Variants in HSD17B11 observed in about 807,000 individuals in gnomAD.
HSD17B11 encodes the protein estradiol 17-beta-dehydrogenase 11.
In HSD17B11, 22 loss-of-function variants were observed where a neutral mutation model predicts 27.8. The observed-to-expected ratio is 0.79, with a 90% CI of 0.56 to 1.13. The LOEUF is 1.13. Ranked by LOEUF, HSD17B11 falls within the 50% of genes most tolerant of loss-of-function variation. HSD17B11 has a pLI of 0.00. For synonymous variants in HSD17B11, 117 were observed against 132.8 expected (o/e 0.88, Z 0.82); for missense variants, 314 against 351.1 (o/e 0.89, Z 0.84).
rs1720249568 is a variant in HSD17B11 at position 87,384,341 on chromosome 4, T to C, written c.211-1979A>G. On this transcript the variant is annotated intron_variant, in intron 1 of 6. Transcript: ENST00000358290. ...GTACAAATTGATTGTAAAACATGTG[T>C]GTTTGAACAATATGAAATCAGTGCA... 2.6e-5 allele frequency among the ~76,000 whole-genome samples: 4 copies of C among 152,144 alleles called. No individual in the cohort carries two copies. The South Asian group carries it at 8.3e-4, about 32-fold the overall frequency.
intron 2 of HSD17B11, among the ~76,000 whole-genome samples, chr4:87,375,142 G>A (rs148265162): frequency 6.6e-6 from 1 of 152,080 alleles, no homozygotes; most frequent in African/African-American, 2.4e-5. Context: ...CAAGTGATCT[G>A]CCCACCTCAG....
intron 5 of HSD17B11, among the ~76,000 whole-genome samples, chr4:87,346,223 C>G (rs1405920360): frequency 6.6e-6 from 1 of 152,144 alleles, no homozygotes; most frequent in Admixed American, 6.5e-5. Flanking sequence ...ATACAACGTT[C>G]CTTCGTGATA....
At chr4:87,355,079 C>T (rs1308515902) in intron 5 of HSD17B11, among the ~76,000 whole-genome samples, 2 of 152,028 alleles carry the variant, frequency 1.3e-5, no homozygotes, top group African/African-American at 4.8e-5. Context: ...CACACCACTG[C>T]ACTTCAGCCT....
At chr4:87,342,643 T>C (rs1029043577) in intron 5 of HSD17B11, among the ~76,000 whole-genome samples, 5 of 152,074 alleles carry the variant, frequency 3.3e-5, no homozygotes, top group South Asian at 2.1e-4. Context: ...ACTGGGACAA[T>C]TGAGAAGTAT....
chr4:87,347,128 T>TC (rs1357078911), intron 5 of HSD17B11, among the ~76,000 whole-genome samples: 1 of 89,028 alleles, frequency 1.1e-5, no homozygotes, highest in African/African-American at 6.7e-5. Context: ...TTTTTTTTTT[T>TC]TTTTTTTTAT....
intron 1 of HSD17B11, among the ~76,000 whole-genome samples, chr4:87,386,456 G>A (rs1262860545): frequency 6.6e-6 from 1 of 152,082 alleles, no homozygotes; most frequent in African/African-American, 2.4e-5. Flanking sequence ...TCCCATCTCG[G>A]CCTCCCAAAG....
In HSD17B11 at chr4:87,340,512, C is replaced by T. The variant is rs1343940697; in HGVS notation, c.790G>A (p.Ala264Thr). Reference sequence around the variant, plus strand: ...TACCTTTCCAATGTTGTTAAAAAAGCTATAGAAGATGGAATAAAAATCATC... The same window carrying T: ...TACCTTTCCAATGTTGTTAAAAAAGTTATAGAAGATGGAATAAAAATCATC... ...QKMIFIPSSI[A>T]FLTTLERILP... The change falls in exon 6 of 7, where the codon GCT becomes ACT. Residue 264 changes from alanine to threonine, a missense_variant. Transcript: ENST00000358290. 1 of 1,605,448 alleles carries T rather than the reference C, an allele frequency of 6.2e-7. No individual in the cohort carries two copies. The highest frequency in any genetic ancestry group is 1.1e-5 in the South Asian group (1 of 89,630).
intron 5 of HSD17B11, among the ~76,000 whole-genome samples, chr4:87,344,479 C>T (rs1474267806): frequency 6.6e-6 from 1 of 152,042 alleles, no homozygotes; most frequent in Non-Finnish European, 1.5e-5. Context: ...AACAAGAGAT[C>T]CCAAAATATT....
intron 2 of HSD17B11, among the ~76,000 whole-genome samples, chr4:87,378,522 T>A (rs1444577788): frequency 2.6e-5 from 4 of 151,770 alleles, no homozygotes; most frequent in African/African-American, 9.7e-5. Context: ...AATGTACAAT[T>A]AAATTACTAT....
chr4:87,387,372 T>G (rs934171142), intron 1 of HSD17B11, among the ~76,000 whole-genome samples: 2 of 152,342 alleles, frequency 1.3e-5, no homozygotes, highest in Non-Finnish European at 2.9e-5. Flanking sequence ...AGAGATTGTC[T>G]TTGTACTCTA....
intron 5 of HSD17B11, among the ~76,000 whole-genome samples, chr4:87,340,836 A>C (rs958023210): frequency 1.5e-4 from 23 of 152,342 alleles, no homozygotes; most frequent in African/African-American, 5.5e-4. Context: ...AACCTTCTAC[A>C]TAGGTTATTC....
intron 2 of HSD17B11, among the ~76,000 whole-genome samples, chr4:87,378,710 A>T: frequency 7.2e-6 from 1 of 138,104 alleles, no homozygotes; most frequent in Admixed American, 7.8e-5. Flanking sequence ...CCATCCTTCT[A>T]CTCTCTATCT....
chr4:87,390,811 C>T, intron 1 of HSD17B11, 50 bp downstream of exon 1: 1 of 1,530,642 alleles, frequency 6.5e-7, no homozygotes, highest in Non-Finnish European at 9.1e-7. Flanking sequence ...AATGCAGACA[C>T]ATCCACAAAT....
At chr4:87,354,581 C>A (rs1177943515) in intron 5 of HSD17B11, among the ~76,000 whole-genome samples, 1 of 150,762 alleles carries the variant, frequency 6.6e-6, no homozygotes, top group Non-Finnish European at 1.5e-5. Context: ...GAGGTCAAGG[C>A]TGCAGCGAGC....
intron 4 of HSD17B11, among the ~76,000 whole-genome samples, chr4:87,371,012 A>G (rs1471515028): frequency 1.4e-5 from 2 of 138,146 alleles, no homozygotes; most frequent in South Asian, 4.3e-4. Context: ...TCGGCCTCCC[A>G]AAGTGCTGGG....
In HSD17B11 at chr4:87,340,466, T is replaced by C. The variant is rs764086320; in HGVS notation, c.812+24A>G. ...TAATTGTTATTTTACCTTTCATTTC[T>C]AAGGTTTCTTAACTGTCACTTACCT... On this transcript the variant is annotated intron_variant, in intron 6 of 6. Transcript: ENST00000358290. 12 of 1,414,612 alleles carry C rather than the reference T, an allele frequency of 8.5e-6. No homozygotes were observed. The South Asian group carries it at 1.4e-4, about 16-fold the overall frequency. 87.6% of individuals were successfully genotyped at this position (1,414,612 alleles called of 1,614,324 possible).
intron 4 of HSD17B11, among the ~76,000 whole-genome samples, chr4:87,369,058 C>G (rs983524473): frequency 6.6e-6 from 1 of 152,168 alleles, no homozygotes; most frequent in Admixed American, 6.5e-5. Context: ...ATCCAAGAAC[C>G]CTCTCTTGAG....
chr4:87,378,889 T>C (rs1472643599), intron 2 of HSD17B11, among the ~76,000 whole-genome samples: 1 of 10,896 alleles, frequency 9.2e-5, no homozygotes, highest in Non-Finnish European at 1.4e-4. Flanking sequence ...TAAATATATA[T>C]ATATAAATAT....
chr4:87,370,663 T>G (rs908955960), intron 4 of HSD17B11, among the ~76,000 whole-genome samples: 3 of 149,668 alleles, frequency 2.0e-5, no homozygotes, highest in African/African-American at 7.3e-5. Context: ...GTGATCCGCT[T>G]GCCTCGGCCT....
Sources: gnomAD v4.1 joint callset for allele counts (sites outside exome capture counted in the v4.1 genomes callset) on GRCh38, gnomAD v4.1.1 for gene constraint, MANE v1.5 for transcripts, NCBI Gene and HGNC (gene_info 2026-07-23, HGNC 2026-07-21) for gene names.